NAV3: variants seen among roughly 807,000 people sequenced by gnomAD.
The protein encoded by NAV3 is neuron navigator 3, also known as pore membrane and/or filament interacting like protein 1.
NAV3 carries 87 observed loss-of-function variants against 244.7 expected under a neutral mutation model. That is an observed-to-expected ratio of 0.36 (90% CI 0.30 to 0.42). NAV3 has a LOEUF of 0.42. Among genes scored for constraint, NAV3 ranks in the 20% least tolerant of loss-of-function variants. The pLI is 1.00. For synonymous variants in NAV3, 1,126 were observed against 1,042.2 expected (o/e 1.08, Z -1.55); for missense variants, 2,663 against 2,893.3 (o/e 0.92, Z 1.83).
intron 2 of NAV3, among the ~76,000 whole-genome samples, chr12:77,730,868 G>C (rs1877096051): frequency 6.6e-6 from 1 of 150,888 alleles, no homozygotes; most frequent in Non-Finnish European, 1.5e-5. Context: ...ACAAGTAAAG[G>C]GCACATTTGA....
intron 12 of NAV3, among the ~76,000 whole-genome samples, chr12:78,101,929 A>G (rs573122936): frequency 3.0e-4 from 46 of 152,330 alleles, no homozygotes; most frequent in Middle Eastern, 6.8e-3. Flanking sequence ...TAATATTTAA[A>G]AAGTATATCT....
chr12:77,617,637 C>A (rs1486195513), intron 2 of NAV3, among the ~76,000 whole-genome samples: 1 of 152,168 alleles, frequency 6.6e-6, no homozygotes, highest in African/African-American at 2.4e-5. Flanking sequence ...ATCCTCCAAT[C>A]CACTTCCCTG....
intron 12 of NAV3, among the ~76,000 whole-genome samples, chr12:78,061,193 C>T (rs908025450): frequency 3.3e-5 from 5 of 152,078 alleles, no homozygotes; most frequent in African/African-American, 4.8e-5. Context: ...TTAACTAGCC[C>T]TCAAGGTGAT....
intron 1 of NAV3, among the ~76,000 whole-genome samples, chr12:77,882,207 T>C (rs1882738195): frequency 6.6e-6 from 1 of 152,108 alleles, no homozygotes. Context: ...CAAAACAGCA[T>C]GATACTGGTA....
intron 1 of NAV3, among the ~76,000 whole-genome samples, chr12:77,933,223 G>C (rs1020852382): frequency 6.6e-6 from 1 of 152,088 alleles, no homozygotes; most frequent in South Asian, 2.1e-4. Context: ...GTAGTGTATA[G>C]AATAGTATAA....
chr12:78,004,443 A>G (rs1287926949), intron 7 of NAV3, among the ~76,000 whole-genome samples: 1 of 152,210 alleles, frequency 6.6e-6, no homozygotes, highest in African/African-American at 2.4e-5. Context: ...AAAATGCAAG[A>G]TACAAATCCA....
chr12:77,631,388 C>G (rs1227737697), intron 2 of NAV3, among the ~76,000 whole-genome samples: 2 of 151,548 alleles, frequency 1.3e-5, no homozygotes, highest in African/African-American at 2.4e-5. Flanking sequence ...AAACAAAGAC[C>G]ATTTTATAGC....
intron 12 of NAV3, among the ~76,000 whole-genome samples, chr12:78,099,404 A>T (rs1450909256): frequency 6.6e-6 from 1 of 151,798 alleles, no homozygotes; most frequent in Non-Finnish European, 1.5e-5. Context: ...CCTAAAAATG[A>T]CTTGACAGAA....
At chr12:77,656,106 A>G (rs1370905303) in intron 2 of NAV3, among the ~76,000 whole-genome samples, 1 of 151,452 alleles carries the variant, frequency 6.6e-6, no homozygotes, top group Non-Finnish European at 1.5e-5. Flanking sequence ...CACACATAAC[A>G]ATATTAACTT....
chr12:78,069,961 G>C (rs1952673596), intron 12 of NAV3, among the ~76,000 whole-genome samples: 1 of 152,036 alleles, frequency 6.6e-6, no homozygotes, highest in South Asian at 2.1e-4. Context: ...TATTTTGTCA[G>C]TTAGGTTTTC....
At chr12:77,701,431 T>C (rs1875557537) in intron 2 of NAV3, among the ~76,000 whole-genome samples, 1 of 151,868 alleles carries the variant, frequency 6.6e-6, no homozygotes, top group Non-Finnish European at 1.5e-5. Flanking sequence ...TTCTCTTTCT[T>C]CTTGATCAGT....
intron 2 of NAV3, among the ~76,000 whole-genome samples, chr12:77,778,756 A>G (rs1013096582): frequency 6.6e-6 from 1 of 152,196 alleles, no homozygotes; most frequent in African/African-American, 2.4e-5. Flanking sequence ...AGAGTTGTCA[A>G]TCCTCACTAA....
At chr12:78,134,456 A>G (rs558470714) in intron 18 of NAV3, among the ~76,000 whole-genome samples, 1 of 152,342 alleles carries the variant, frequency 6.6e-6, no homozygotes, top group Non-Finnish European at 1.5e-5. Context: ...GTTCCTAGTT[A>G]TATATATCCA....
intron 1 of NAV3, among the ~76,000 whole-genome samples, chr12:77,854,540 G>A (rs1878052482): frequency 6.6e-6 from 1 of 151,854 alleles, no homozygotes; most frequent in African/African-American, 2.4e-5. Flanking sequence ...AAGAAGGTAG[G>A]AAATAAAGCT....
chr12:78,037,444 T>C (rs1045332056), intron 9 of NAV3: 1 of 626,474 alleles, frequency 1.6e-6, no homozygotes, highest in East Asian at 2.7e-5. Flanking sequence ...TCATAGTCTC[T>C]TATGAAATTA....
chr12:77,798,337 A>T (rs1187010901), intron 2 of NAV3, among the ~76,000 whole-genome samples: 1 of 152,190 alleles, frequency 6.6e-6, no homozygotes, highest in Admixed American at 6.5e-5. Context: ...TTCCACTAAT[A>T]TTTTTTGAAA....
chr12:78,179,721 A>G (rs200955312), intron 29 of NAV3, 39 bp downstream of exon 29: 1 of 1,574,898 alleles, frequency 6.3e-7, no homozygotes, highest in African/African-American at 1.4e-5. Flanking sequence ...AAATGGAGAA[A>G]CAAAAAAATG....
At position 78,188,760 on chromosome 12, in the gene NAV3, T is replaced by G. The variant is rs1958839527; in HGVS notation, c.6038T>G (p.Ile2013Ser). The change falls in exon 33 of 40, where the codon ATC becomes AGC. Residue 2013 changes from isoleucine to serine, a missense_variant. Physicochemically the swap from Ile to Ser is moderately radical, Grantham distance 142 (BLOSUM62 -2). Around this residue, in one of 6 missense-constraint regions of NAV3, gnomAD observed 543 missense variants for 672.4 expected, o/e 0.81. Coordinates refer to ENST00000397909, the MANE Select transcript of NAV3 (RefSeq NM_001024383.2). Reference protein sequence around the residue: ...CGYLVGDNNIITVNLKGVEEN... With the variant: ...CGYLVGDNNISTVNLKGVEEN... ...TACCTTGTTGGAGATAATAACATCA[T>G]CACTGTGAACCTCAAAGGTAAAAGC... is the stretch of plus-strand genomic sequence containing the variant. 6.2e-7 allele frequency: 1 copy of G among 1,611,576 alleles called. No homozygotes were observed. The highest frequency in any genetic ancestry group is 8.5e-7 in the Non-Finnish European group (1 of 1,178,554).
At chr12:77,909,135 C>T (rs903999918) in intron 1 of NAV3, among the ~76,000 whole-genome samples, 1 of 151,996 alleles carries the variant, frequency 6.6e-6, no homozygotes, top group Non-Finnish European at 1.5e-5. Context: ...GTTACAAGTA[C>T]TCAAAATGTG....
Sources: gnomAD v4.1 joint callset for allele counts (sites outside exome capture counted in the v4.1 genomes callset) on GRCh38, gnomAD v4.1.1 for gene constraint, gnomAD v4.1.1 regional missense constraint, MANE v1.5 for transcripts, NCBI Gene and HGNC (gene_info 2026-07-23, HGNC 2026-07-21) for gene names.